DDX11: variants seen among roughly 807,000 people sequenced by gnomAD.
DDX11 encodes ATP-dependent DNA helicase DDX11.
Under a neutral mutation model 125.2 loss-of-function variants are expected in DDX11, and 72 were observed. That is an observed-to-expected ratio of 0.58 (90% CI 0.48 to 0.70). DDX11 has a LOEUF of 0.70. DDX11 is among the 30% of genes least tolerant of loss of function. The probability of loss-of-function intolerance (pLI) is 0.00; values close to 1 mark genes in which losing one functional copy is unlikely to be tolerated. For synonymous variants in DDX11, 347 were observed against 452.6 expected (o/e 0.77, Z 2.96); for missense variants, 883 against 1,165.0 (o/e 0.76, Z 3.52).
intron 18 of DDX11, 91 bp from the exon 19 acceptor site, chr12:31,100,544 A>T (rs1946182319): frequency 8.7e-7 from 1 of 1,148,866 alleles, no homozygotes; most frequent in African/African-American, 1.6e-5. Flanking sequence ...GTTTGTGTGT[A>T]CTTGCTGTCT....
At chr12:31,095,301 C>T (rs1424428661) in intron 14 of DDX11, among the ~76,000 whole-genome samples, 2 of 152,218 alleles carry the variant, frequency 1.3e-5, no homozygotes, top group East Asian at 1.9e-4. Context: ...ACAGTGACTG[C>T]CCCCGGGTAC....
At position 31,103,350 on chromosome 12, in the gene DDX11, G is replaced by T; in HGVS notation, c.2491G>T (p.Ala831Ser). 6.2e-7 allele frequency: 1 copy of T among 1,611,194 alleles called. No homozygotes were observed. The highest frequency in any genetic ancestry group is 8.5e-7 in the Non-Finnish European group (1 of 1,179,628). The change falls in exon 25 of 27, where the codon GCT becomes TCT. Residue 831 changes from alanine (A) to serine (S), a missense_variant. Transcript: ENST00000542838. ...CCCCGGCCAGGCACCCCCAGGGAAG[G>T]CTCTGGTGGAGAACCTGTGCATGAA... ...RAPGQAPPGK[A>S]LVENLCMKAV...
intron 2 of DDX11, among the ~76,000 whole-genome samples, chr12:31,079,927 C>T (rs1941542628): frequency 6.6e-6 from 1 of 151,512 alleles, no homozygotes. Flanking sequence ...CCATCCTTTC[C>T]CTGTCATTTG....
intron 1 of DDX11, 131 bp from the exon 2 acceptor site, chr12:31,078,259 C>G (rs1191193367): frequency 6.3e-7 from 1 of 1,586,624 alleles, no homozygotes; most frequent in Non-Finnish European, 8.6e-7. Context: ...AGAACATGGT[C>G]TCTGCTTCCC....
intron 18 of DDX11, among the ~76,000 whole-genome samples, chr12:31,100,104 G>C (rs1333509702): frequency 6.6e-6 from 1 of 152,146 alleles, no homozygotes; most frequent in Non-Finnish European, 1.5e-5. Context: ...ATGCTGTTTG[G>C]TATTTGTGGG....
At position 31,096,909 on chromosome 12, in the gene DDX11, TCTC is replaced by T; in HGVS notation, c.1683_1685del (p.Pro562del). ...TCAGGCCAGCACCCTGCGACCAGCT[TCTC>T]CACTGATGCACATCCAAGGCTTCCT... On this transcript the variant is annotated inframe_deletion, in exon 17 of 27. Transcript: ENST00000542838. 6.2e-7 allele frequency: 1 copy of T among 1,614,156 alleles called. No homozygotes were observed. The highest frequency in any genetic ancestry group is 8.5e-7 in the Non-Finnish European group (1 of 1,180,030).
rs1942531822 is a variant in DDX11, at chr12:31,083,993, G to A, written c.325G>A (p.Gly109Arg). The A allele has an allele frequency of 6.2e-7, 1 of 1,613,962 alleles. No homozygotes were observed. The highest frequency in any genetic ancestry group is 2.2e-5 in the East Asian group (1 of 44,880). ...GGCTGCAGGCACCCCGAGGCCTGCT[G>A]GAGAACCGGCCTGGGTTACTCAGTT... ...EGAAGTPRPA[G>R]EPAWVTQFVQ... Residue 109 changes from glycine (G) to arginine (R), a missense_variant, in exon 3 of 27, where the codon GGA (glycine) becomes AGA (arginine). By Grantham distance (125) the Gly-to-Arg change is moderately radical. This residue lies in a region of DDX11 where 283 missense variants were observed against 359.6 expected (regional missense o/e 0.79). Transcript: ENST00000542838.
chr12:31,101,692 G>C, intron 20 of DDX11, 141 bp from the exon 21 acceptor site: 1 of 1,159,210 alleles, frequency 8.6e-7, no homozygotes, highest in South Asian at 1.3e-5. Flanking sequence ...TTCCCACCCA[G>C]GGGAGCCAAG....
At chr12:31,088,997 G>C (rs772014210) in intron 6 of DDX11, 47 bp from the exon 7 acceptor site, 2 of 1,470,344 alleles carry the variant, frequency 1.4e-6, no homozygotes, top group South Asian at 2.3e-5. Context: ...GAATGCTGTG[G>C]GATGTTTTGG....
chr12:31,077,876 T>C, intron 1 of DDX11: 1 of 246,610 alleles, frequency 4.1e-6, no homozygotes, highest in South Asian at 4.7e-5. Flanking sequence ...GGGACGTGTA[T>C]GTTAACTTGC....
intron 2 of DDX11, among the ~76,000 whole-genome samples, chr12:31,080,001 C>T (rs747678900): frequency 1.4e-5 from 2 of 141,116 alleles, no homozygotes; most frequent in Non-Finnish European, 1.5e-5. Flanking sequence ...GACAGACGGC[C>T]GCACCCACAC....
intron 5 of DDX11, among the ~76,000 whole-genome samples, 200 bp downstream of exon 5, chr12:31,085,326 C>T (rs564994795): frequency 2.0e-5 from 3 of 152,378 alleles, no homozygotes; most frequent in Admixed American, 6.5e-5. Flanking sequence ...CCTGTGTCCT[C>T]TCAGCTGTCC....
In DDX11 at chr12:31,102,324, T is replaced by C; in HGVS notation, c.2271+13T>C. On this transcript the variant is annotated intron_variant, in intron 22 of 26. Transcript: ENST00000542838. ...CAGGTGCATCCAGGTGCGGGCGTCA[T>C]GCTGGGCTTGGGTCTGAGATCGTGT... 6.2e-7 allele frequency: 1 copy of C among 1,613,784 alleles called. No homozygotes were observed. Among genetic ancestry groups the C allele is most frequent in the Non-Finnish European group, 8.5e-7 (1 of 1,179,610 alleles).
chr12:31,102,134 C>G (rs1946496165), intron 21 of DDX11, 109 bp from the exon 22 acceptor site: 8 of 1,292,736 alleles, frequency 6.2e-6, no homozygotes, highest in Non-Finnish European at 8.8e-6. Flanking sequence ...CCCAAAGTCC[C>G]TGGCTGTGAG....
Position 31,091,784 on chromosome 12 carries a change from G to A in DDX11, c.1155G>A (p.Leu385=), listed in dbSNP as rs761898940. 1.2e-5 allele frequency: 20 copies of A among 1,613,724 alleles called. No individual in the cohort carries two copies. The highest frequency in any genetic ancestry group is 3.3e-4 in the Middle Eastern group (2 of 6,078). The change falls in exon 10 of 27, where the codon CTG becomes CTA. Residue 385 remains leucine (L), a synonymous_variant. Transcript: ENST00000542838. ...CTCGGCAGGCCGCGGGCATCCGGCT[G>A]CAGGACCAGGTGGTGATCATCGACG... The part of the protein sequence containing the change: ...AATRQAAGIR[L]QDQVVIIDEA...
rs763382162 is a variant in DDX11 at position 31,084,068 on chromosome 12, C to T, written c.393+7C>T. On this transcript the variant is annotated splice_region_variant and intron_variant, in intron 3 of 26. Transcript: ENST00000542838. ...CCTGGTGGACCGACTAAAGGTGAGA[C>T]CTGGGGTATCCGGAAGTGGGAGTAC... The T allele has an allele frequency of 1.2e-6, 2 of 1,613,824 alleles. No homozygotes were observed. Among genetic ancestry groups the T allele is most frequent in the Non-Finnish European group, 1.7e-6 (2 of 1,179,838 alleles).
intron 23 of DDX11, 148 bp downstream of exon 23, chr12:31,102,675 A>C: frequency 1.3e-6 from 1 of 743,036 alleles, no homozygotes; most frequent in Non-Finnish European, 2.4e-6. Flanking sequence ...GGAGGGGCTC[A>C]GCAGCTCTGG....
At chr12:31,088,770 C>G (rs1236801917) in intron 6 of DDX11, among the ~76,000 whole-genome samples, 1 of 152,202 alleles carries the variant, frequency 6.6e-6, no homozygotes, top group African/African-American at 2.4e-5. Context: ...ATTGGCCAAC[C>G]CCCCAAAAGC....
chr12:31,078,370 G>A lies in DDX11; in HGVS notation c.-4-20G>A, dbSNP rs747314230. The A allele has an allele frequency of 3.1e-6, 5 of 1,604,122 alleles. No homozygotes were observed. The South Asian group carries it at 4.5e-5, about 14-fold the overall frequency. ...CTGGACCATGAGAGAGCTCCCTAAT[G>A]TTGTATTTATTTTTCCTAGGTCCAT... On this transcript the variant is annotated intron_variant, in intron 1 of 26. Transcript: ENST00000542838.
Sources: gnomAD v4.1 joint callset for allele counts (sites outside exome capture counted in the v4.1 genomes callset) on GRCh38, gnomAD v4.1.1 for gene constraint, gnomAD v4.1.1 regional missense constraint, MANE v1.5 for transcripts, NCBI Gene and HGNC (gene_info 2026-07-23, HGNC 2026-07-21) for gene names.